The following PSD3 variants were observed in gnomAD, a reference collection of about 807,000 sequenced individuals.
The protein encoded by PSD3 is PH and SEC7 domain-containing protein 3.
In PSD3, 49 loss-of-function variants were observed where a neutral mutation model predicts 105.5. That is an observed-to-expected ratio of 0.46 (90% CI 0.37 to 0.59). PSD3 has a LOEUF of 0.59. PSD3 is among the 20% of genes least tolerant of loss of function. PSD3 has a pLI of 0.00. For missense variants in PSD3, 1,561 were observed against 1,263.8 expected, an observed-to-expected ratio of 1.24 and a Z score of -3.57; for synonymous variants, 557 against 457.8, an observed-to-expected ratio of 1.22 and a Z score of -2.77.
chr8:18,916,386 T>G, intron 2 of PSD3, among the ~76,000 whole-genome samples: 1 of 88,018 alleles, frequency 1.1e-5, no homozygotes, highest in Non-Finnish European at 2.5e-5. Context: ...ACAAACAGAA[T>G]ACTATACAGC....
chr8:18,908,243 C>T (rs954088824), intron 2 of PSD3, among the ~76,000 whole-genome samples: 3 of 152,126 alleles, frequency 2.0e-5, no homozygotes, highest in African/African-American at 7.2e-5. Context: ...AGAAAGAGGG[C>T]AGTCACCCAA....
chr8:18,993,035 A>G (rs539451326), intron 1 of PSD3, among the ~76,000 whole-genome samples: 1 of 152,194 alleles, frequency 6.6e-6, no homozygotes, highest in Non-Finnish European at 1.5e-5. Context: ...GTATAATCCA[A>G]ATCTTCCAAA....
At chr8:18,757,786 C>T (rs1025220246) in intron 9 of PSD3, among the ~76,000 whole-genome samples, 3 of 152,158 alleles carry the variant, frequency 2.0e-5, no homozygotes, top group Non-Finnish European at 4.4e-5. Flanking sequence ...TTCCAGTTTT[C>T]AATTCTTCAA....
At chr8:18,980,363 T>C (rs1425865446) in intron 1 of PSD3, among the ~76,000 whole-genome samples, 1 of 152,190 alleles carries the variant, frequency 6.6e-6, no homozygotes, top group Admixed American at 6.5e-5. Flanking sequence ...AGGTAGCTTA[T>C]CTTATGGTCA....
At chr8:18,926,001 G>A (rs1038027681) in intron 2 of PSD3, among the ~76,000 whole-genome samples, 2 of 152,140 alleles carry the variant, frequency 1.3e-5, no homozygotes, top group Non-Finnish European at 2.9e-5. Context: ...AAAGCCTACC[G>A]TTGTTTGTTC....
chr8:18,627,385 T>C (rs1806563071), intron 11 of PSD3, among the ~76,000 whole-genome samples: 1 of 152,060 alleles, frequency 6.6e-6, no homozygotes, highest in African/African-American at 2.4e-5. Context: ...GATACTCTGC[T>C]CTTGGCTGTA....
intron 1 of PSD3, among the ~76,000 whole-genome samples, chr8:19,064,031 C>T (rs1828990669): frequency 6.6e-6 from 1 of 152,062 alleles, no homozygotes; most frequent in South Asian, 2.1e-4. Flanking sequence ...ATCCCAGCTA[C>T]TCCGGAGACT....
At chr8:18,944,752 C>A (rs13256527) in intron 1 of PSD3, among the ~76,000 whole-genome samples, 20,228 of 152,042 alleles carry the variant, frequency 0.13, 1,455 homozygotes, top group Admixed American at 0.19. Context: ...TTTATCAGAA[C>A]AGGCTGAATT....
In PSD3 at chr8:18,586,923, C is replaced by G. The variant is rs1273577524; in HGVS notation, c.2482-11638G>C. On this transcript the variant is annotated intron_variant, in intron 12 of 15. Transcript: ENST00000327040. ...GTAGAGCCTGAGTGTGCTAGTGAGG[C>G]CCTTAAGGATAGACGCCGGATCCTG... is the stretch of plus-strand genomic sequence containing the variant. Among the ~76,000 whole-genome samples the G allele has an allele frequency of 3.3e-5, 5 of 152,032 alleles. No individual in the cohort carries two copies. The East Asian group carries it at 7.7e-4, about 24-fold the overall frequency.
chr8:18,531,412 C>T lies in PSD3; in HGVS notation c.*4331G>A, dbSNP rs1354803413. The stretch of plus-strand genomic sequence containing the variant: ...AAGGAGAATGCCTTTGGATTTCAGT[C>T]CTTCCTTTATGGATGAGAGATGGAA... On this transcript the variant is annotated 3_prime_UTR_variant, in exon 16 of 16. Coordinates refer to ENST00000327040, the MANE Select transcript of PSD3 (RefSeq NM_015310.4). The T allele has an allele frequency of 6.6e-6, 1 of 152,528 alleles. No individual in the cohort carries two copies. The highest frequency in any genetic ancestry group is 2.4e-5 in the African/African-American group (1 of 41,440). 9.4% of individuals were successfully genotyped at this position (152,528 alleles called of 1,614,324 possible). A position where few individuals can be genotyped will look rare whatever the true frequency, so the allele number is the denominator to read the frequency against.
At chr8:19,005,899 G>T (rs1030164648) in intron 1 of PSD3, among the ~76,000 whole-genome samples, 1 of 151,822 alleles carries the variant, frequency 6.6e-6, no homozygotes, top group Non-Finnish European at 1.5e-5. Context: ...TGGGTGAATC[G>T]TATAGTATGT....
At chr8:18,769,363 C>A (rs1265849603) in intron 8 of PSD3, among the ~76,000 whole-genome samples, 1 of 152,090 alleles carries the variant, frequency 6.6e-6, no homozygotes, top group East Asian at 1.9e-4. Context: ...TATTAATAAA[C>A]TTCTTTGTAA....
chr8:18,531,883 C>T lies in PSD3; in HGVS notation c.*3860G>A, dbSNP rs189000191. 4 of 152,214 alleles carry T rather than the reference C, an allele frequency of 2.6e-5. No homozygotes were observed. In the East Asian group the frequency reaches 5.8e-4, roughly 22 times the overall value. The allele number at this position is 152,214 out of a possible 1,614,324, so 9.4% of individuals were successfully genotyped here. A position where few individuals can be genotyped will look rare whatever the true frequency, so the allele number is the denominator to read the frequency against. The stretch of plus-strand genomic sequence containing the variant: ...ACTGCTGAAATGAAGAGAGGTGGCT[C>T]CCAACCTGCTGAAAACTCGACCAAG... On this transcript the variant is annotated 3_prime_UTR_variant, in exon 16 of 16. Transcript: ENST00000327040.
chr8:18,903,215 C>G (rs1819622917), intron 2 of PSD3, among the ~76,000 whole-genome samples: 1 of 152,120 alleles, frequency 6.6e-6, no homozygotes, highest in South Asian at 2.1e-4. Context: ...AAGTGATACT[C>G]TGAAGGTTTA....
intron 4 of PSD3, among the ~76,000 whole-genome samples, chr8:18,842,011 G>A (rs1044912134): frequency 6.6e-6 from 1 of 152,162 alleles, no homozygotes; most frequent in African/African-American, 2.4e-5. Context: ...GAAAGGCAGT[G>A]GATGGCTCTC....
intron 9 of PSD3, among the ~76,000 whole-genome samples, chr8:18,708,710 C>A (rs939829146): frequency 2.0e-5 from 3 of 152,012 alleles, no homozygotes; most frequent in African/African-American, 4.8e-5. Context: ...CTACTAGAAG[C>A]AGCTCTCCTC....
At position 19,013,186 on chromosome 8, in the gene PSD3, T is replaced by C. The variant is rs546386553; in HGVS notation, c.21+377A>G. On this transcript the variant is annotated intron_variant, in intron 1 of 15. Coordinates refer to ENST00000327040, the MANE Select transcript of PSD3 (RefSeq NM_015310.4). Reference sequence around the variant, plus strand: ...ATTCAAGTTTGTTTAGTTTAGTCTTTTTTTCTTTCTTTCTGACAGAAACGT... The same window carrying C: ...ATTCAAGTTTGTTTAGTTTAGTCTTCTTTTCTTTCTTTCTGACAGAAACGT... Among the ~76,000 whole-genome samples the C allele has an allele frequency of 2.0e-5, 3 of 152,106 alleles. No individual in the cohort carries two copies. In the South Asian group the frequency reaches 6.2e-4, roughly 32 times the overall value.
Position 18,568,795 on chromosome 8 carries a change from C to T in PSD3, c.2784+3733G>A, listed in dbSNP as rs111445260. The stretch of plus-strand genomic sequence containing the variant: ...TACGTATACATGTGCCATGCTGGTG[C>T]GCTGCACCCACTAACTCGTCATCTA... On this transcript the variant is annotated intron_variant, in intron 14 of 15. Transcript: ENST00000327040. 3.8e-3 allele frequency among the ~76,000 whole-genome samples: 584 copies of T among 151,782 alleles called. 2 individuals carry two copies. The highest frequency in any genetic ancestry group is 6.8e-3 in the Non-Finnish European group (462 of 67,944).
intron 9 of PSD3, among the ~76,000 whole-genome samples, chr8:18,748,215 C>T (rs1805180910): frequency 6.6e-6 from 1 of 152,114 alleles, no homozygotes; most frequent in Admixed American, 6.5e-5. Context: ...GCAGTTACAT[C>T]CTTTGTATTT....
Sources: allele counts gnomAD v4.1 joint callset (sites outside exome capture counted in the v4.1 genomes callset), GRCh38; gene constraint gnomAD v4.1.1; transcripts MANE v1.5; gene names NCBI Gene and HGNC (gene_info 2026-07-23, HGNC 2026-07-21).